JAKMIP1: variants seen among roughly 807,000 people sequenced by gnomAD.
The protein encoded by JAKMIP1 is janus kinase and microtubule interacting protein 1, also known as janus kinase and microtubule-interacting protein 1.
Under a neutral mutation model 113.0 loss-of-function variants are expected in JAKMIP1, and 33 were observed. The ratio of observed to expected loss-of-function variants is 0.29; its 90% confidence interval spans 0.22 to 0.39. The LOEUF (loss-of-function observed/expected upper bound fraction) is 0.39. Among genes scored for constraint, JAKMIP1 ranks in the 10% least tolerant of loss-of-function variants. JAKMIP1 has a pLI of 1.00. For missense variants in JAKMIP1, 813 were observed against 1,080.5 expected (o/e 0.75, Z 3.47); for synonymous variants, 480 against 459.9 (o/e 1.04, Z -0.56).
rs1726352303 is a variant in JAKMIP1, at chr4:6,183,998, T to C, written c.-148+16255A>G. 6.6e-6 allele frequency among the ~76,000 whole-genome samples: 1 copy of C among 152,236 alleles called. No homozygotes were observed. Among genetic ancestry groups the C allele is most frequent in the Admixed American group, 6.5e-5 (1 of 15,288 alleles). Reference sequence around the variant, plus strand: ...CACCCTATACTTTTCGTTTTGAAAGTTGAATTCATCAGAGCAACCTCACTG... The same window carrying C: ...CACCCTATACTTTTCGTTTTGAAAGCTGAATTCATCAGAGCAACCTCACTG... On this transcript the variant is annotated intron_variant, in intron 1 of 20. Transcript: ENST00000409021. The surrounding 1 kb of genome is among the most constrained non-coding windows in gnomAD (Gnocchi z 5.3).
intron 19 of JAKMIP1, among the ~76,000 whole-genome samples, chr4:6,030,281 G>A (rs1712445839): frequency 6.6e-6 from 1 of 152,068 alleles, no homozygotes; most frequent in African/African-American, 2.4e-5. Flanking sequence ...GTCAATGCTG[G>A]TGGGAGCCAC....
chr4:6,077,495 T>G (rs909927529), intron 8 of JAKMIP1, among the ~76,000 whole-genome samples: 3 of 147,564 alleles, frequency 2.0e-5, no homozygotes, highest in Admixed American at 6.7e-5. Context: ...TTTTTTTTTT[T>G]TTTTTTTTTG....
intron 1 of JAKMIP1, among the ~76,000 whole-genome samples, chr4:6,175,162 C>A (rs533799786): frequency 4.6e-5 from 7 of 152,212 alleles, no homozygotes; most frequent in Middle Eastern, 6.8e-3. Context: ...GGCAGCAACA[C>A]AGCACTGACA....
intron 20 of JAKMIP1, 54 bp downstream of exon 20, chr4:6,029,662 C>T (rs2108741406): frequency 1.3e-5 from 15 of 1,152,342 alleles, no homozygotes; most frequent in Non-Finnish European, 1.7e-5. Flanking sequence ...AATGATTCCG[C>T]ACTAACATTT....
At position 6,059,908 on chromosome 4, in the gene JAKMIP1, G is replaced by T. The variant is rs1349633434; in HGVS notation, c.1644+516C>A. 1.3e-5 allele frequency among the ~76,000 whole-genome samples: 2 copies of T among 152,082 alleles called. No individual in the cohort carries two copies. The highest frequency in any genetic ancestry group is 2.9e-5 in the Non-Finnish European group (2 of 68,030). The stretch of plus-strand genomic sequence containing the variant: ...GTCTAGGCCCAGGCATTGCTTTTCT[G>T]CTGTGTCTCACTGTCAACCAGCCTT... On this transcript the variant is annotated intron_variant, in intron 11 of 20. Transcript: ENST00000409021. The surrounding 1 kb of genome is among the most constrained non-coding windows in gnomAD (Gnocchi z 4.8).
intron 1 of JAKMIP1, among the ~76,000 whole-genome samples, chr4:6,165,719 A>G (rs569933638): frequency 6.6e-6 from 1 of 152,244 alleles, no homozygotes; most frequent in Admixed American, 6.5e-5. Flanking sequence ...AAATCAAAAA[A>G]TTCATGTGAC....
intron 2 of JAKMIP1, among the ~76,000 whole-genome samples, chr4:6,107,174 TAGCAGCAGGA>T (rs1488848981): frequency 6.6e-6 from 1 of 152,282 alleles, no homozygotes; most frequent in East Asian, 1.9e-4. Flanking sequence ...CTAGTGGATT[TAGCAGCAGGA>T]AGCCAGAACT....
At chr4:6,096,922 C>G (rs934792004) in intron 3 of JAKMIP1, among the ~76,000 whole-genome samples, 1 of 152,176 alleles carries the variant, frequency 6.6e-6, no homozygotes, top group Non-Finnish European at 1.5e-5. Flanking sequence ...ATTGAAACAT[C>G]GGAAGGCAAA....
In JAKMIP1 at chr4:6,199,202, G is replaced by T. The variant is rs1728178361; in HGVS notation, c.-148+1051C>A. ...CAGATGGGGCGGGCGGCGGAGGAGG[G>T]CTGGCGGTTAGATACAGTATCGCTG... On this transcript the variant is annotated intron_variant, in intron 1 of 20. Coordinates refer to ENST00000409021, the MANE Select transcript of JAKMIP1 (RefSeq NM_001099433.2). The surrounding 1 kb of genome is among the most constrained non-coding windows in gnomAD (Gnocchi z 5.6). Among the ~76,000 whole-genome samples, 1 of 152,250 alleles carries T rather than the reference G, an allele frequency of 6.6e-6. No homozygotes were observed. The highest frequency in any genetic ancestry group is 6.5e-5 in the Admixed American group (1 of 15,292).
chr4:6,171,565 C>G (rs1170252146), intron 1 of JAKMIP1, among the ~76,000 whole-genome samples: 1 of 151,270 alleles, frequency 6.6e-6, no homozygotes, highest in Admixed American at 6.6e-5. Context: ...GGATCCAGAG[C>G]CCACTGTGAT....
intron 19 of JAKMIP1, among the ~76,000 whole-genome samples, chr4:6,034,695 A>C (rs1376927555): frequency 6.6e-6 from 1 of 152,132 alleles, no homozygotes; most frequent in Non-Finnish European, 1.5e-5. Flanking sequence ...TCAGCTACTC[A>C]GGTGGCTGAG....
rs576117812 is a variant in JAKMIP1, at chr4:6,107,030, A to T, written c.130-1063T>A. Among the ~76,000 whole-genome samples the T allele has an allele frequency of 2.6e-5, 4 of 152,298 alleles. 1 individual carries two copies. Among genetic ancestry groups the T allele is most frequent in the African/African-American group, 9.6e-5 (4 of 41,574 alleles). Reference sequence around the variant, plus strand: ...ACTTAAAACAGCAGGTAAAAAAGCAAATAAAACCAACCCAGGCAAACACAC... The same window carrying T: ...ACTTAAAACAGCAGGTAAAAAAGCATATAAAACCAACCCAGGCAAACACAC... On this transcript the variant is annotated intron_variant, in intron 2 of 20. Coordinates refer to ENST00000409021, the MANE Select transcript of JAKMIP1 (RefSeq NM_001099433.2).
In JAKMIP1 at chr4:6,156,264, A is replaced by G. The variant is rs933431101; in HGVS notation, c.-147-43267T>C. Among the ~76,000 whole-genome samples the G allele has an allele frequency of 6.6e-6, 1 of 152,222 alleles. No individual in the cohort carries two copies. The highest frequency in any genetic ancestry group is 2.4e-5 in the African/African-American group (1 of 41,464). On this transcript the variant is annotated intron_variant, in intron 1 of 20. Transcript: ENST00000409021. This position sits in a 1 kb window ranked among gnomAD's most constrained non-coding sequence, Gnocchi z 5.0. ...CACAGGAACAAGCGAATGCCACTGT[A>G]TCACACTGATCCTAAGTTAACGTTT...
At chr4:6,109,124 CTTTTT>C (rs71173408) in intron 2 of JAKMIP1, among the ~76,000 whole-genome samples, 3 of 96,860 alleles carry the variant, frequency 3.1e-5, no homozygotes, top group African/African-American at 8.1e-5. Flanking sequence ...CCTGGGGCAC[CTTTTT>C]TTTTTTTTTT....
chr4:6,079,361 T>C lies in JAKMIP1; in HGVS notation c.1243-363A>G, dbSNP rs987677869. Among the ~76,000 whole-genome samples, 5 of 151,770 alleles carry C rather than the reference T, an allele frequency of 3.3e-5. No homozygotes were observed. In the East Asian group the frequency reaches 9.6e-4, roughly 29 times the overall value. On this transcript the variant is annotated intron_variant, in intron 7 of 20. Coordinates refer to ENST00000409021, the MANE Select transcript of JAKMIP1 (RefSeq NM_001099433.2). ...GTGGACAGATGGGTGGGTGGATGGA[T>C]GGATGGATGGATGGGTGAAAGGAAG...
At position 6,185,521 on chromosome 4, in the gene JAKMIP1, G is replaced by T. The variant is rs1450815521; in HGVS notation, c.-148+14732C>A. Among the ~76,000 whole-genome samples the T allele has an allele frequency of 6.6e-6, 1 of 152,178 alleles. No individual in the cohort carries two copies. The highest frequency in any genetic ancestry group is 2.4e-5 in the African/African-American group (1 of 41,438). The stretch of plus-strand genomic sequence containing the variant: ...AAATTAGCCGGGCGTGGTGGCAGAC[G>T]CCTGTAGTCCCAGCTACTTGGGAGG... On this transcript the variant is annotated intron_variant, in intron 1 of 20. Transcript: ENST00000409021. The surrounding 1 kb of genome is among the most constrained non-coding windows in gnomAD (Gnocchi z 5.3).
In JAKMIP1 at chr4:6,129,686, C is replaced by A. The variant is rs940804783; in HGVS notation, c.-147-16689G>T. Among the ~76,000 whole-genome samples the A allele has an allele frequency of 5.9e-5, 9 of 152,254 alleles. No individual in the cohort carries two copies. The highest frequency in any genetic ancestry group is 3.4e-3 in the Middle Eastern group (1 of 294). On this transcript the variant is annotated intron_variant, in intron 1 of 20. Coordinates refer to ENST00000409021, the MANE Select transcript of JAKMIP1 (RefSeq NM_001099433.2). This position sits in a 1 kb window ranked among gnomAD's most constrained non-coding sequence, Gnocchi z 5.4. ...TTTCCCTACACAGATCAGGAGGAAG[C>A]CATCCCTCTGCATTGTAAATATGAC... is the stretch of plus-strand genomic sequence containing the variant.
intron 3 of JAKMIP1, among the ~76,000 whole-genome samples, chr4:6,104,692 G>A (rs779477763): frequency 5.9e-5 from 9 of 152,234 alleles, no homozygotes; most frequent in Non-Finnish European, 1.2e-4. Context: ...GGGCAGACTG[G>A]TCATGTGTTT....
chr4:6,195,594 C>T (rs548573356), intron 1 of JAKMIP1, among the ~76,000 whole-genome samples: 1 of 152,274 alleles, frequency 6.6e-6, no homozygotes, highest in African/African-American at 2.4e-5. Flanking sequence ...CTGTCCCCTC[C>T]CCCACAAAAG....
Sources: allele counts gnomAD v4.1 joint callset (sites outside exome capture counted in the v4.1 genomes callset), GRCh38; gene constraint gnomAD v4.1.1; non-coding constraint Gnocchi (gnomAD v3.1); transcripts MANE v1.5; gene names NCBI Gene and HGNC (gene_info 2026-07-23, HGNC 2026-07-21).